AZI2: variants seen among roughly 807,000 people sequenced by gnomAD.
The protein encoded by AZI2 is 5-azacytidine-induced protein 2.
A neutral mutation model predicts 45.8 loss-of-function variants in AZI2; 22 were observed. That is an observed-to-expected ratio of 0.48 (90% confidence interval 0.34 to 0.69). The LOEUF (loss-of-function observed/expected upper bound fraction) is 0.69, where lower values mean the gene tolerates loss of function less well. Among genes scored for constraint, AZI2 ranks in the 30% least tolerant of loss-of-function variants. The pLI, the probability that AZI2 is intolerant of heterozygous loss-of-function variation, is 0.01. For missense variants in AZI2, 417 were observed against 441.5 expected, an observed-to-expected ratio of 0.94 and a Z score of 0.50; for synonymous variants, 137 against 156.7, an observed-to-expected ratio of 0.87 and a Z score of 0.94.
intron 4 of AZI2, 158 bp from the exon 5 acceptor site, chr3:28,337,043 C>T: frequency 1.4e-6 from 1 of 694,022 alleles, no homozygotes; most frequent in Non-Finnish European, 2.3e-6. Flanking sequence ...TTAATACTTT[C>T]AAATATCTAT....
chr3:28,338,582 C>G lies in AZI2; in HGVS notation c.250G>C (p.Val84Leu). Residue 84 changes from valine to leucine, a missense_variant, in exon 3 of 8, where the codon GTG becomes CTG. By Grantham distance (32) the Val-to-Leu change is conservative. Coordinates refer to ENST00000479665, the MANE Select transcript of AZI2 (RefSeq NM_022461.5). ...GCCTTATTTACTTGTTCTCGTCCCA[C>G]GGAACTTGTTTCTTCTTCAAATCGA... ...IARFEEETSS[V>L]GREQVNKAYH... is the part of the protein sequence containing the mutation. 1 of 1,610,004 alleles carries G rather than the reference C, an allele frequency of 6.2e-7. No individual in the cohort carries two copies. The highest frequency in any genetic ancestry group is 1.3e-5 in the African/African-American group (1 of 74,988).
At chr3:28,329,629 C>T (rs1245048119) in intron 6 of AZI2, among the ~76,000 whole-genome samples, 1 of 151,250 alleles carries the variant, frequency 6.6e-6, no homozygotes, top group Non-Finnish European at 1.5e-5. Context: ...ACTTGAGTTT[C>T]TACTTCAGCC....
intron 6 of AZI2, chr3:28,332,051 A>T: frequency 1.4e-6 from 1 of 718,316 alleles, no homozygotes; most frequent in East Asian, 2.7e-5. Context: ...GTTATTATAT[A>T]TAATGAATAA....
At chr3:28,332,013 G>C (rs1294417469) in intron 6 of AZI2, 2 of 986,552 alleles carry the variant, frequency 2.0e-6, no homozygotes, top group African/African-American at 3.3e-5. Context: ...ACTAACAATG[G>C]CCAAGTAGGC....
In AZI2 at chr3:28,333,782, G is replaced by A. The variant is rs1423002541; in HGVS notation, c.589-1355C>T. Among the ~76,000 whole-genome samples, 6 of 151,418 alleles carry A rather than the reference G, an allele frequency of 4.0e-5. No individual in the cohort carries two copies. In the Admixed American group the frequency reaches 4.0e-4, roughly 10 times the overall value. On this transcript the variant is annotated intron_variant, in intron 5 of 7. Transcript: ENST00000479665. Reference sequence around the variant, plus strand: ...TCCCTAACTAGTGCCACATGATGTGGGAGTTTCATATAAGGTGAGGCCCAT... The same window carrying A: ...TCCCTAACTAGTGCCACATGATGTGAGAGTTTCATATAAGGTGAGGCCCAT...
At chr3:28,342,709 ATG>A (rs1491187932) in intron 1 of AZI2, among the ~76,000 whole-genome samples, 2 of 82,706 alleles carry the variant, frequency 2.4e-5, no homozygotes, top group Non-Finnish European at 4.7e-5. Context: ...ACTCTTACAC[ATG>A]CACACACACA....
intron 6 of AZI2, among the ~76,000 whole-genome samples, chr3:28,327,855 T>A (rs878961615): frequency 6.7e-6 from 1 of 149,556 alleles, no homozygotes; most frequent in African/African-American, 2.4e-5. Context: ...CTTATAACAT[T>A]AAAAAAAAAT....
chr3:28,324,089 G>A lies in AZI2; in HGVS notation c.1132C>T (p.Leu378=). The A allele has an allele frequency of 6.2e-7, 1 of 1,609,978 alleles. No individual in the cohort carries two copies. Among genetic ancestry groups the A allele is most frequent in the Non-Finnish European group, 8.5e-7 (1 of 1,177,202 alleles). ...TGATTATGTTGATCCAAGTAATGCA[G>A]TGGTGGAAGGTTGGGTAAAGGCAAA... is the stretch of plus-strand genomic sequence containing the variant. ...KTLPLPNLPP[L]HYLDQHNQNC... is the part of the protein sequence containing the mutation. The change falls in exon 8 of 8, where the codon CTG becomes TTG. Residue 378 remains leucine (L), a synonymous_variant. Transcript: ENST00000479665.
At chr3:28,343,600 T>C (rs1005048321) in intron 1 of AZI2, among the ~76,000 whole-genome samples, 1 of 152,000 alleles carries the variant, frequency 6.6e-6, no homozygotes, top group Non-Finnish European at 1.5e-5. Flanking sequence ...ACAAACATTA[T>C]CCCATTTAAT....
In AZI2 at chr3:28,323,514, A is replaced by G. The variant is rs1168637435; in HGVS notation, c.*528T>C. 6.6e-6 allele frequency: 1 copy of G among 151,546 alleles called. No individual in the cohort carries two copies. The highest frequency in any genetic ancestry group is 1.5e-5 in the Non-Finnish European group (1 of 67,372). 9.4% of individuals were successfully genotyped at this position (151,546 alleles called of 1,614,324 possible). ...CAAAAAATCACTTTAAATCTTAAAT[A>G]TTGAAACGCAATAGCATATAAAGAT... is the stretch of plus-strand genomic sequence containing the variant. On this transcript the variant is annotated 3_prime_UTR_variant, in exon 8 of 8. Coordinates refer to ENST00000479665, the MANE Select transcript of AZI2 (RefSeq NM_022461.5).
At chr3:28,337,492 G>A (rs1703839458) in intron 4 of AZI2, among the ~76,000 whole-genome samples, 1 of 152,056 alleles carries the variant, frequency 6.6e-6, no homozygotes, top group Non-Finnish European at 1.5e-5. Flanking sequence ...ATATGCCCCA[G>A]ATCCAACTTT....
chr3:28,338,949 A>C lies in AZI2; in HGVS notation c.217-334T>G, dbSNP rs542534700. Reference sequence around the variant, plus strand: ...TAAATTAAAAGTATCTAATTTCTATAATCAGAAAAAGCAGCACCTTAGGGC... The same window carrying C: ...TAAATTAAAAGTATCTAATTTCTATCATCAGAAAAAGCAGCACCTTAGGGC... On this transcript the variant is annotated intron_variant, in intron 2 of 7. Coordinates refer to ENST00000479665, the MANE Select transcript of AZI2 (RefSeq NM_022461.5). Among the ~76,000 whole-genome samples the C allele has an allele frequency of 7.9e-4, 120 of 152,160 alleles. 1 individual carries two copies. Among genetic ancestry groups the C allele is most frequent in the African/African-American group, 2.8e-3 (116 of 41,522 alleles).
chr3:28,343,097 C>T lies in AZI2; in HGVS notation c.-5-2475G>A, dbSNP rs796712173. On this transcript the variant is annotated intron_variant, in intron 1 of 7. Coordinates refer to ENST00000479665, the MANE Select transcript of AZI2 (RefSeq NM_022461.5). ...ACAATCATTTACACAGCAAGGAAAA[C>T]CCAGAGAGGCAGAGTTGTGCAGAAA... Among the ~76,000 whole-genome samples the T allele has an allele frequency of 1.2e-3, 176 of 151,918 alleles. 1 individual carries two copies. The highest frequency in any genetic ancestry group is 3.9e-3 in the African/African-American group (162 of 41,460).
At position 28,324,012 on chromosome 3, in the gene AZI2, C is replaced by T. The variant is rs978139498; in HGVS notation, c.*30G>A. ...AGGACCACTGAAAGAGATAAGTGTC[C>T]TCATGGTGAAATCGTGAATCTCTTC... On this transcript the variant is annotated 3_prime_UTR_variant, in exon 8 of 8. Transcript: ENST00000479665. 10 of 1,566,780 alleles carry T rather than the reference C, an allele frequency of 6.4e-6. No homozygotes were observed. The African/African-American group carries it at 9.6e-5, about 15-fold the overall frequency.
At chr3:28,327,251 G>A (rs1019942252) in intron 6 of AZI2, among the ~76,000 whole-genome samples, 1 of 151,052 alleles carries the variant, frequency 6.6e-6, no homozygotes, top group Non-Finnish European at 1.5e-5. Context: ...ATTTTAGGCT[G>A]TAATGTGCAG....
intron 1 of AZI2, among the ~76,000 whole-genome samples, chr3:28,340,855 A>G (rs1397956908): frequency 6.6e-6 from 1 of 152,032 alleles, no homozygotes; most frequent in Non-Finnish European, 1.5e-5. Context: ...TACCTCATAG[A>G]GTCTTAAGAA....
Position 28,322,350 on chromosome 3 carries a change from C to T in AZI2, c.*1692G>A, listed in dbSNP as rs1338618787. 6.6e-6 allele frequency: 1 copy of T among 151,228 alleles called. No individual in the cohort carries two copies. The highest frequency in any genetic ancestry group is 1.5e-5 in the Non-Finnish European group (1 of 67,424). 9.4% of individuals were successfully genotyped at this position (151,228 alleles called of 1,614,324 possible). A position where few individuals can be genotyped will look rare whatever the true frequency, so the allele number is the denominator to read the frequency against. On this transcript the variant is annotated 3_prime_UTR_variant, in exon 8 of 8. Coordinates refer to ENST00000479665, the MANE Select transcript of AZI2 (RefSeq NM_022461.5). ...TATAGGCAAGGACAATATTTCACAT[C>T]CACTTCAATTTCAAACAAAAATATT... is the stretch of plus-strand genomic sequence containing the variant.
chr3:28,326,787 G>T (rs754300613), intron 7 of AZI2, 45 bp downstream of exon 7: 8 of 1,385,916 alleles, frequency 5.8e-6, no homozygotes, highest in Non-Finnish European at 8.2e-6. Flanking sequence ...TTGCTCTTCA[G>T]GCAGTTTGGC....
intron 1 of AZI2, among the ~76,000 whole-genome samples, chr3:28,347,776 AGAT>A (rs1223611097): frequency 1.3e-5 from 2 of 152,250 alleles, no homozygotes. Context: ...CTCAATTTAC[AGAT>A]GATGAAATGA....
Sources: allele counts gnomAD v4.1 joint callset (sites outside exome capture counted in the v4.1 genomes callset), GRCh38; gene constraint gnomAD v4.1.1; transcripts MANE v1.5; gene names NCBI Gene and HGNC (gene_info 2026-07-23, HGNC 2026-07-21).